Variants in TMC1 observed in about 807,000 individuals in gnomAD.
TMC1 encodes the protein transmembrane channel-like protein 1.
Under a neutral mutation model 105.8 loss-of-function variants are expected in TMC1, and 84 were observed. That is an observed-to-expected ratio of 0.79 (90% CI 0.67 to 0.95). TMC1 has a LOEUF of 0.95. Among genes scored for constraint, TMC1 ranks in the 40% least tolerant of loss-of-function variants. The probability of loss-of-function intolerance (pLI) is 0.00; values close to 1 mark genes in which losing one functional copy is unlikely to be tolerated. For missense variants in TMC1, 817 were observed against 914.1 expected, an observed-to-expected ratio of 0.89 and a Z score of 1.37; for synonymous variants, 315 against 311.5, an observed-to-expected ratio of 1.01 and a Z score of -0.12.
intron 17 of TMC1, among the ~76,000 whole-genome samples, chr9:72,799,580 C>A (rs1255390583): frequency 6.6e-6 from 1 of 151,938 alleles, no homozygotes; most frequent in Non-Finnish European, 1.5e-5. Flanking sequence ...TTTCGGGAAC[C>A]AGATAAATCC....
chr9:72,709,000 A>ATTT (rs59517839), intron 8 of TMC1, among the ~76,000 whole-genome samples: 1 of 142,752 alleles, frequency 7.0e-6, no homozygotes, highest in African/African-American at 2.6e-5. Context: ...TTCTGTGTCT[A>ATTT]TTTTTTTTTC....
At chr9:72,586,750 T>A (rs1824560155) in intron 2 of TMC1, among the ~76,000 whole-genome samples, 1 of 152,198 alleles carries the variant, frequency 6.6e-6, no homozygotes, top group Non-Finnish European at 1.5e-5. Context: ...CTCAAAACTC[T>A]AGGCAGATCT....
intron 1 of TMC1, among the ~76,000 whole-genome samples, chr9:72,571,599 G>A (rs1401638410): frequency 1.3e-5 from 2 of 150,474 alleles, no homozygotes; most frequent in East Asian, 2.0e-4. Context: ...GGCATACACC[G>A]CCATGCCCAG....
chr9:72,652,479 C>T (rs1472537047), intron 5 of TMC1, among the ~76,000 whole-genome samples: 1 of 151,690 alleles, frequency 6.6e-6, no homozygotes, highest in Non-Finnish European at 1.5e-5. Context: ...AGGATAAGCC[C>T]ATGGAAGAAA....
intron 11 of TMC1, among the ~76,000 whole-genome samples, chr9:72,752,656 CACCTTTGAATGCTTACCT>C (rs1388850948): frequency 6.6e-6 from 1 of 152,146 alleles, no homozygotes; most frequent in African/African-American, 2.4e-5. Context: ...ATGATTCTGA[CACCTTTGAATGCTTACCT>C]TACAGAAGTT....
At chr9:72,655,902 A>G (rs773206485) in intron 5 of TMC1, 5 of 789,928 alleles carry the variant, frequency 6.3e-6, no homozygotes, top group Admixed American at 1.7e-5. Context: ...CTGCTTAACA[A>G]TCTCAGAAGG....
intron 2 of TMC1, among the ~76,000 whole-genome samples, chr9:72,604,595 T>C (rs1824877972): frequency 6.6e-6 from 1 of 152,232 alleles, no homozygotes; most frequent in Non-Finnish European, 1.5e-5. Context: ...TTGCTGTCTC[T>C]TTCCACAAGT....
chr9:72,798,057 G>A (rs947272440), intron 17 of TMC1, among the ~76,000 whole-genome samples: 2 of 152,046 alleles, frequency 1.3e-5, no homozygotes, highest in African/African-American at 4.8e-5. Context: ...GTGGGCAAAG[G>A]ACATGAACAG....
chr9:72,690,280 T>A (rs1826443206), intron 6 of TMC1, among the ~76,000 whole-genome samples: 1 of 152,104 alleles, frequency 6.6e-6, no homozygotes, highest in Non-Finnish European at 1.5e-5. Flanking sequence ...GAGTTACATA[T>A]TTTTATATTA....
chr9:72,561,119 A>T (rs1824039825), intron 1 of TMC1, among the ~76,000 whole-genome samples: 1 of 151,816 alleles, frequency 6.6e-6, no homozygotes, highest in Admixed American at 6.6e-5. Flanking sequence ...CAGGAGATTG[A>T]GACCATCCTG....
chr9:72,670,583 AT>A (rs1163664247), intron 5 of TMC1, among the ~76,000 whole-genome samples: 1 of 152,188 alleles, frequency 6.6e-6, no homozygotes. Context: ...ATTATACATA[AT>A]TGCCCCATCA....
At chr9:72,621,395 C>T (rs978102914) in intron 3 of TMC1, among the ~76,000 whole-genome samples, 6 of 152,084 alleles carry the variant, frequency 3.9e-5, no homozygotes, top group African/African-American at 1.4e-4. Context: ...TTACAGGAGA[C>T]CTTTGACATT....
In TMC1 at chr9:72,683,733, T is replaced by TTATATATATATATA. The variant is rs58007608; in HGVS notation, c.17-4948_17-4935dup. 9.8e-3 allele frequency among the ~76,000 whole-genome samples: 521 copies of TTATATATATATATA among 53,148 alleles called. 35 individuals are homozygous for TTATATATATATATA. Among genetic ancestry groups the TTATATATATATATA allele is most frequent in the Non-Finnish European group, 0.014 (372 of 27,034 alleles). 34.9% of individuals were successfully genotyped at this position (53,148 alleles called of 152,430 possible). A position where few individuals can be genotyped will look rare whatever the true frequency, so the allele number is the denominator to read the frequency against. On this transcript the variant is annotated intron_variant, in intron 5 of 23. Transcript: ENST00000297784. The stretch of plus-strand genomic sequence containing the variant: ...TCTGAGTTAACCTGAGTTACACATT[T>TTATATATATATATA]TATATATATATATATATATATATAT...
intron 1 of TMC1, among the ~76,000 whole-genome samples, chr9:72,535,687 T>G (rs748200723): frequency 5.3e-5 from 8 of 152,184 alleles, no homozygotes; most frequent in Non-Finnish European, 1.2e-4. Flanking sequence ...AAGAGGTTGA[T>G]TTGGCTCACA....
At chr9:72,665,712 A>G (rs1222075732) in intron 5 of TMC1, among the ~76,000 whole-genome samples, 1 of 152,222 alleles carries the variant, frequency 6.6e-6, no homozygotes, top group African/African-American at 2.4e-5. Flanking sequence ...TAGTTTACAG[A>G]GATTAATCTA....
intron 2 of TMC1, among the ~76,000 whole-genome samples, chr9:72,591,828 C>T (rs1824643584): frequency 6.6e-6 from 1 of 152,164 alleles, no homozygotes; most frequent in Non-Finnish European, 1.5e-5. Flanking sequence ...CCTTGGCCTC[C>T]CAAAGTGCTG....
chr9:72,540,033 G>A (rs1008213739), intron 1 of TMC1, among the ~76,000 whole-genome samples: 13 of 151,928 alleles, frequency 8.6e-5, no homozygotes, highest in African/African-American at 2.9e-4. Flanking sequence ...AGGTACCATG[G>A]TCTTTTTAAC....
chr9:72,791,231 G>A (rs975931578), intron 15 of TMC1, among the ~76,000 whole-genome samples: 1 of 148,598 alleles, frequency 6.7e-6, no homozygotes, highest in African/African-American at 2.5e-5. Context: ...TTATTCTCTT[G>A]TCTCTGAAAT....
intron 1 of TMC1, among the ~76,000 whole-genome samples, chr9:72,571,372 C>CTCTT (rs1233514563): frequency 8.3e-6 from 1 of 120,888 alleles, no homozygotes; most frequent in East Asian, 2.4e-4. Flanking sequence ...TATTACTTCT[C>CTCTT]TCTTTCTCTC....
Sources: gnomAD v4.1 joint callset for allele counts (sites outside exome capture counted in the v4.1 genomes callset) on GRCh38, gnomAD v4.1.1 for gene constraint, MANE v1.5 for transcripts, NCBI Gene and HGNC (gene_info 2026-07-23, HGNC 2026-07-21) for gene names.